The following SLC9A2 variants were observed in gnomAD, a reference collection of about 807,000 sequenced individuals.
SLC9A2 encodes solute carrier family 9 member A2, also known as sodium/hydrogen exchanger 2.
A neutral mutation model predicts 71.7 loss-of-function variants in SLC9A2; 42 were observed. The observed-to-expected ratio is 0.59, with a 90% confidence interval of 0.46 to 0.76. SLC9A2 has a LOEUF of 0.76. Among genes scored for constraint, SLC9A2 ranks in the 30% least tolerant of loss-of-function variants. The pLI is 0.00. For missense variants in SLC9A2, 829 were observed against 1,017.4 expected (o/e 0.81, Z 2.52); for synonymous variants, 396 against 392.5 (o/e 1.01, Z -0.10).
rs759371954 is a variant in SLC9A2, at chr2:102,702,421, A to C, written c.1764A>C (p.Glu588Asp). ...TFASLNDCRE[E>D]KIRKVTSSET... ...ACTTTCACAGTGATTGTCGTGAAGA[A>C]AAAATAAGGAAGGTCACGTCCAGTG... The change falls in exon 9 of 12, where the codon GAA becomes GAC. Residue 588 changes from glutamate (E) to aspartate (D), a missense_variant. Glu to Asp is a conservative substitution (Grantham distance 45). Coordinates refer to ENST00000233969, the MANE Select transcript of SLC9A2 (RefSeq NM_003048.6). 6.3e-7 allele frequency: 1 copy of C among 1,588,140 alleles called. No individual in the cohort carries two copies. The highest frequency in any genetic ancestry group is 1.4e-5 in the African/African-American group (1 of 73,728).
chr2:102,679,783 TGA>T (rs1323864523), intron 3 of SLC9A2, among the ~76,000 whole-genome samples: 4 of 152,334 alleles, frequency 2.6e-5, no homozygotes, highest in Admixed American at 6.5e-5. Flanking sequence ...TCCCAGTGAA[TGA>T]TATGAACATA....
intron 7 of SLC9A2, among the ~76,000 whole-genome samples, chr2:102,698,635 T>C (rs979848010): frequency 2.0e-5 from 3 of 152,158 alleles, no homozygotes; most frequent in Non-Finnish European, 4.4e-5. Flanking sequence ...TCTGGTGTGA[T>C]TGGAGTGAGG....
chr2:102,672,056 C>A (rs1046606677), intron 3 of SLC9A2, among the ~76,000 whole-genome samples: 1 of 152,016 alleles, frequency 6.6e-6, no homozygotes, highest in African/African-American at 2.4e-5. Flanking sequence ...TTGCAGTGAG[C>A]CGAGATTGAG....
intron 1 of SLC9A2, among the ~76,000 whole-genome samples, chr2:102,640,632 G>T (rs771338976): frequency 2.6e-5 from 4 of 152,160 alleles, no homozygotes; most frequent in Non-Finnish European, 4.4e-5. Context: ...CTCTCAGCAT[G>T]CAGCACCCTC....
At chr2:102,643,486 G>A (rs925181746) in intron 1 of SLC9A2, among the ~76,000 whole-genome samples, 18 of 152,152 alleles carry the variant, frequency 1.2e-4, no homozygotes, top group African/African-American at 4.1e-4. Flanking sequence ...GGCTATTGTT[G>A]GGGCTTTTGT....
intron 5 of SLC9A2, among the ~76,000 whole-genome samples, chr2:102,690,739 C>A (rs1677642720): frequency 1.3e-5 from 2 of 152,262 alleles, no homozygotes; most frequent in South Asian, 4.1e-4. Context: ...ACTGTTTGCA[C>A]AACTGCATTT....
chr2:102,670,383 ACTGT>A (rs1378061895), intron 3 of SLC9A2, among the ~76,000 whole-genome samples: 2 of 151,990 alleles, frequency 1.3e-5, no homozygotes, highest in Non-Finnish European at 2.9e-5. Flanking sequence ...CCTCAAGGGT[ACTGT>A]CTAAGTATTT....
At chr2:102,703,012 C>T (rs993961909) in intron 9 of SLC9A2, among the ~76,000 whole-genome samples, 4 of 152,074 alleles carry the variant, frequency 2.6e-5, no homozygotes, top group African/African-American at 7.2e-5. Flanking sequence ...TCATTTAATC[C>T]TCCAGTGAGT....
At chr2:102,625,843 G>A (rs1304518052) in intron 1 of SLC9A2, among the ~76,000 whole-genome samples, 1 of 152,124 alleles carries the variant, frequency 6.6e-6, no homozygotes, top group East Asian at 1.9e-4. Context: ...CCCAGTAATG[G>A]GATGGCTGGG....
chr2:102,637,400 G>A (rs1229256997), intron 1 of SLC9A2, among the ~76,000 whole-genome samples: 19 of 151,808 alleles, frequency 1.3e-4, no homozygotes, highest in African/African-American at 1.7e-4. Flanking sequence ...CAGTGCCATC[G>A]TTATTATTTC....
chr2:102,676,757 T>G (rs1415992256), intron 3 of SLC9A2, among the ~76,000 whole-genome samples: 1 of 152,272 alleles, frequency 6.6e-6, no homozygotes, highest in African/African-American at 2.4e-5. Flanking sequence ...TCTGAGAGCA[T>G]GCAACGTGCC....
chr2:102,626,726 G>GA (rs1311877210), intron 1 of SLC9A2, among the ~76,000 whole-genome samples: 4 of 151,942 alleles, frequency 2.6e-5, no homozygotes, highest in Non-Finnish European at 4.4e-5. Context: ...AAATTTACAA[G>GA]AAAAAAACAT....
rs143462401 is a variant in SLC9A2 at position 102,654,161 on chromosome 2, A to G, written c.290-3403A>G. Among the ~76,000 whole-genome samples, 1,197 of 141,288 alleles carry G rather than the reference A, an allele frequency of 8.5e-3. 16 individuals are homozygous for G. The highest frequency in any genetic ancestry group is 0.028 in the African/African-American group (1,041 of 37,766). 92.7% of individuals were successfully genotyped at this position (141,288 alleles called of 152,430 possible). Reference sequence around the variant, plus strand: ...GGAAAGGAAGTGATTGCATTTGGATATTAGGGGACTGGCGATGCTGCTGTT... The same window carrying G: ...GGAAAGGAAGTGATTGCATTTGGATGTTAGGGGACTGGCGATGCTGCTGTT... On this transcript the variant is annotated intron_variant, in intron 1 of 11. Transcript: ENST00000233969.
At chr2:102,638,252 T>C (rs1356087863) in intron 1 of SLC9A2, among the ~76,000 whole-genome samples, 1 of 152,232 alleles carries the variant, frequency 6.6e-6, no homozygotes, top group Non-Finnish European at 1.5e-5. Flanking sequence ...TTAAAAGGGC[T>C]GAGCTGATTA....
At chr2:102,625,957 T>C (rs1184418836) in intron 1 of SLC9A2, among the ~76,000 whole-genome samples, 1 of 152,240 alleles carries the variant, frequency 6.6e-6, no homozygotes, top group Non-Finnish European at 1.5e-5. Context: ...AGTGTTCCTA[T>C]TTCTTCACAT....
chr2:102,648,509 G>C (rs888149232), intron 1 of SLC9A2, among the ~76,000 whole-genome samples: 1 of 152,132 alleles, frequency 6.6e-6, no homozygotes. Flanking sequence ...TCAGGCAAGA[G>C]AAAGAAATAA....
At chr2:102,637,229 G>C (rs1045709617) in intron 1 of SLC9A2, among the ~76,000 whole-genome samples, 1 of 152,114 alleles carries the variant, frequency 6.6e-6, no homozygotes, top group Non-Finnish European at 1.5e-5. Context: ...AGAATACTCC[G>C]CATGTCCAAG....
intron 1 of SLC9A2, among the ~76,000 whole-genome samples, chr2:102,644,431 C>G (rs188354390): frequency 8.5e-5 from 13 of 152,156 alleles, no homozygotes; most frequent in Non-Finnish European, 1.3e-4. Context: ...GGCTCCCCCC[C>G]GCCCAGTGGC....
rs145744861 is a variant in SLC9A2, at chr2:102,684,180, C to T, written c.1269C>T (p.Pro423=). The change falls in exon 5 of 12, where the codon CCC becomes CCT. Residue 423 remains proline, a synonymous_variant. Transcript: ENST00000233969. ...TQVINRFRTI[P]LTFKDQFIIA... is the part of the protein sequence containing the mutation. Reference sequence around the variant, plus strand: ...TCATTAATAGGTTCCGGACCATTCCCCTGACCTTTAAGGACCAGTTCATCA... The same window carrying T: ...TCATTAATAGGTTCCGGACCATTCCTCTGACCTTTAAGGACCAGTTCATCA... 3 of 1,614,136 alleles carry T rather than the reference C, an allele frequency of 1.9e-6. No homozygotes were observed. The highest frequency in any genetic ancestry group is 2.2e-5 in the East Asian group (1 of 44,880).
Sources: allele counts gnomAD v4.1 joint callset (sites outside exome capture counted in the v4.1 genomes callset), GRCh38; gene constraint gnomAD v4.1.1; transcripts MANE v1.5; gene names NCBI Gene and HGNC (gene_info 2026-07-23, HGNC 2026-07-21).